Variants in CRABP1 observed in about 807,000 individuals in gnomAD.
The protein encoded by CRABP1 is cellular retinoic acid-binding protein 1.
Under a neutral mutation model 16.4 loss-of-function variants are expected in CRABP1, and 9 were observed. The ratio of observed to expected loss-of-function variants is 0.55; its 90% CI spans 0.33 to 0.96. The LOEUF (loss-of-function observed/expected upper bound fraction) is 0.96. Ranked by LOEUF, CRABP1 falls within the 40% of genes least tolerant of loss-of-function variation. CRABP1 has a pLI of 0.03. For missense variants in CRABP1, 157 were observed against 186.0 expected (o/e 0.84, Z 0.91); for synonymous variants, 72 against 70.4 (o/e 1.02, Z -0.11).
intron 3 of CRABP1, among the ~76,000 whole-genome samples, chr15:78,345,818 C>T (rs1355070446): frequency 2.0e-5 from 3 of 152,154 alleles, no homozygotes; most frequent in East Asian, 1.9e-4. Context: ...AAATCTAAAA[C>T]GCAGAGAGAT....
In CRABP1 at chr15:78,341,058, T is replaced by A. The variant is rs1413896691; in HGVS notation, c.86T>A (p.Leu29Gln). ...CCCTGCGCAGGTGTGAACGCCATGCTGAGGAAAGTGGCCGTAGCGGCTGCG... is the reference window on the plus strand; with the variant it reads ...CCCTGCGCAGGTGTGAACGCCATGCAGAGGAAAGTGGCCGTAGCGGCTGCG... ...LLKALGVNAMLRKVAVAAASK... is the reference protein window; with the variant it reads ...LLKALGVNAMQRKVAVAAASK... Residue 29 changes from leucine to glutamine, a missense_variant, in exon 2 of 4, where the codon CTG (leucine) becomes CAG (glutamine). Coordinates refer to ENST00000299529, the MANE Select transcript of CRABP1 (RefSeq NM_004378.3). This position sits in a 1 kb window ranked among gnomAD's most constrained non-coding sequence, Gnocchi z 5.3. 1 of 1,609,740 alleles carries A rather than the reference T, an allele frequency of 6.2e-7. No individual in the cohort carries two copies. The highest frequency in any genetic ancestry group is 1.7e-5 in the Admixed American group (1 of 59,994).
intron 3 of CRABP1, among the ~76,000 whole-genome samples, chr15:78,347,042 G>A (rs901312977): frequency 1.3e-5 from 2 of 149,796 alleles, no homozygotes; most frequent in African/African-American, 2.5e-5. Flanking sequence ...CTAACTGCCT[G>A]TGAGAGGTCC....
chr15:78,343,701 C>T (rs1279411852), intron 3 of CRABP1, 89 bp downstream of exon 3: 14 of 905,260 alleles, frequency 1.5e-5, no homozygotes, highest in South Asian at 6.1e-5. Flanking sequence ...CTCACTCGGC[C>T]GTTCAGAGAA....
chr15:78,345,053 T>A (rs1415304150), intron 3 of CRABP1, among the ~76,000 whole-genome samples: 2 of 152,230 alleles, frequency 1.3e-5, no homozygotes, highest in Non-Finnish European at 2.9e-5. Flanking sequence ...GGTATTTTGT[T>A]AATCTCTGCT....
At chr15:78,347,479 C>A (rs1381709408) in intron 3 of CRABP1, among the ~76,000 whole-genome samples, 1 of 152,172 alleles carries the variant, frequency 6.6e-6, no homozygotes, top group African/African-American at 2.4e-5. Flanking sequence ...TCCTGGAAAG[C>A]AGTTCTATTC....
In CRABP1 at chr15:78,343,567, C is replaced by A; in HGVS notation, c.318C>A (p.Pro106=). 6.2e-7 allele frequency: 1 copy of A among 1,614,208 alleles called. No homozygotes were observed. The highest frequency in any genetic ancestry group is 8.5e-7 in the Non-Finnish European group (1 of 1,180,036). The change falls in exon 3 of 4, where the codon CCC becomes CCA. Residue 106 remains proline, a synonymous_variant. Coordinates refer to ENST00000299529, the MANE Select transcript of CRABP1 (RefSeq NM_004378.3). The part of the protein sequence containing the change: ...CTQTLLEGDG[P]KTYWTRELAN... ...AAACTCTTCTTGAAGGGGACGGCCCCAAAACCTACTGGACCCGTGAGCTGG... is the reference window on the plus strand; with the variant it reads ...AAACTCTTCTTGAAGGGGACGGCCCAAAAACCTACTGGACCCGTGAGCTGG...
intron 1 of CRABP1, 69 bp downstream of exon 1, chr15:78,340,567 C>A: frequency 6.5e-7 from 1 of 1,547,458 alleles, no homozygotes; most frequent in South Asian, 1.2e-5. Context: ...CCCGGAAGTG[C>A]CCCGGTCCTG....
rs1258663622 is a variant in CRABP1, at chr15:78,340,444, G to A, written c.16G>A (p.Gly6Ser). The change falls in exon 1 of 4, where the codon GGC becomes AGC. Residue 6 changes from glycine to serine, a missense_variant. By Grantham distance (56) the Gly-to-Ser change is moderately conservative. Coordinates refer to ENST00000299529, the MANE Select transcript of CRABP1 (RefSeq NM_004378.3). ...CACCGCCACCATGCCCAACTTCGCC[G>A]GCACCTGGAAGATGCGCAGCAGCGA... MPNFA[G>S]TWKMRSSENF... 1 of 1,602,444 alleles carries A rather than the reference G, an allele frequency of 6.2e-7. No individual in the cohort carries two copies. The highest frequency in any genetic ancestry group is 1.1e-5 in the South Asian group (1 of 88,674).
intron 3 of CRABP1, among the ~76,000 whole-genome samples, chr15:78,344,810 G>C (rs142903124): frequency 1.3e-5 from 2 of 151,512 alleles, no homozygotes; most frequent in South Asian, 4.2e-4. Flanking sequence ...TCAGCTACTC[G>C]GAGGCTGAAG....
intron 3 of CRABP1, among the ~76,000 whole-genome samples, chr15:78,347,566 C>T (rs1334761172): frequency 6.6e-6 from 1 of 152,200 alleles, no homozygotes; most frequent in African/African-American, 2.4e-5. Flanking sequence ...TTCTTTCTAT[C>T]TTGAAGTCAT....
chr15:78,342,703 C>G (rs1387669021), intron 2 of CRABP1, among the ~76,000 whole-genome samples: 1 of 152,110 alleles, frequency 6.6e-6, no homozygotes, highest in Non-Finnish European at 1.5e-5. Context: ...CCAAAGACAC[C>G]GAGGTTTATC....
At chr15:78,347,500 GC>G (rs1429678055) in intron 3 of CRABP1, among the ~76,000 whole-genome samples, 1 of 152,166 alleles carries the variant, frequency 6.6e-6, no homozygotes, top group Non-Finnish European at 1.5e-5. Context: ...CTTCTCCAAA[GC>G]AAGGAACAGA....
Position 78,341,506 on chromosome 15 carries a change from G to A in CRABP1, c.249+285G>A, listed in dbSNP as rs2050234665. ...GGGTTGCGCCGCGTTCCCAGCAGTG[G>A]CTTTTGCAGCGGTTTGCAGCGCCAA... On this transcript the variant is annotated intron_variant, in intron 2 of 3. Transcript: ENST00000299529. This position sits in a 1 kb window ranked among gnomAD's most constrained non-coding sequence, Gnocchi z 5.3. 1 of 418,016 alleles carries A rather than the reference G, an allele frequency of 2.4e-6. No individual in the cohort carries two copies. The highest frequency in any genetic ancestry group is 2.0e-5 in the African/African-American group (1 of 49,282). The allele number at this position is 418,016 out of a possible 1,614,324, so 25.9% of individuals were successfully genotyped here. A position where few individuals can be genotyped will look rare whatever the true frequency, so the allele number is the denominator to read the frequency against.
intron 3 of CRABP1, among the ~76,000 whole-genome samples, chr15:78,346,404 C>T (rs138775046): frequency 0.017 from 2,525 of 152,270 alleles, 63 homozygotes; most frequent in African/African-American, 0.055. Context: ...CAGTGGCTCA[C>T]GCTTGTAATC....
Position 78,343,650 on chromosome 15 carries a change from C to G in CRABP1, c.363+38C>G, listed in dbSNP as rs752003387. The G allele has an allele frequency of 7.0e-6, 11 of 1,574,608 alleles. No homozygotes were observed. In the South Asian group the frequency reaches 1.2e-4, roughly 18 times the overall value. ...TGACCCTGAAATAATCCTGAAGTTC[C>G]CCCAGAGGGGGCCCCAGATGGGCCC... is the stretch of plus-strand genomic sequence containing the variant. On this transcript the variant is annotated intron_variant, in intron 3 of 3. Transcript: ENST00000299529.
intron 1 of CRABP1, chr15:78,340,743 T>A: frequency 1.7e-6 from 1 of 602,290 alleles, no homozygotes; most frequent in Non-Finnish European, 2.9e-6. Flanking sequence ...TGGTGCGGAC[T>A]TTATCTCGTG....
At chr15:78,345,914 T>G (rs1011915304) in intron 3 of CRABP1, among the ~76,000 whole-genome samples, 1 of 152,232 alleles carries the variant, frequency 6.6e-6, no homozygotes, top group African/African-American at 2.4e-5. Flanking sequence ...CCCCAGGCTA[T>G]AAGTTGCCTT....
Position 78,341,215 on chromosome 15 carries a change from G to T in CRABP1, c.243G>T (p.Lys81Asn). 1 of 1,609,470 alleles carries T rather than the reference G, an allele frequency of 6.2e-7. No individual in the cohort carries two copies. Among genetic ancestry groups the T allele is most frequent in the Admixed American group, 1.7e-5 (1 of 59,356 alleles). The part of the protein sequence containing the change: ...GFEEETVDGR[K>N]CRSLATWENE... ...AGGAGGAGACCGTGGACGGACGCAA[G>T]TGCAGGGTGAGGCCCCAGAGCCACT... Residue 81 changes from lysine (K) to asparagine (N), a missense_variant, in exon 2 of 4, where the codon AAG (lysine) becomes AAT (asparagine). Lys to Asn is a moderately conservative substitution (Grantham distance 94). Transcript: ENST00000299529. This position sits in a 1 kb window ranked among gnomAD's most constrained non-coding sequence, Gnocchi z 5.3.
rs1018421210 is a variant in CRABP1, at chr15:78,340,642, C to G, written c.70+144C>G. On this transcript the variant is annotated intron_variant, in intron 1 of 3. Coordinates refer to ENST00000299529, the MANE Select transcript of CRABP1 (RefSeq NM_004378.3). ...CCCGGGGCAATAGATCGCCTTGTCT[C>G]CCAGGCGCACCGGGTCTCGGAGAAG... The G allele has an allele frequency of 5.7e-6, 5 of 877,258 alleles. No homozygotes were observed. In the East Asian group the frequency reaches 1.4e-4, roughly 25 times the overall value. The allele number at this position is 877,258 out of a possible 1,614,324, so 54.3% of individuals were successfully genotyped here.
Sources: allele counts gnomAD v4.1 joint callset (sites outside exome capture counted in the v4.1 genomes callset), GRCh38; gene constraint gnomAD v4.1.1; non-coding constraint Gnocchi (gnomAD v3.1); transcripts MANE v1.5; gene names NCBI Gene and HGNC (gene_info 2026-07-23, HGNC 2026-07-21).